FBXL17: variants seen among roughly 807,000 people sequenced by gnomAD.
FBXL17 encodes the protein F-box/LRR-repeat protein 17.
In FBXL17, 22 loss-of-function variants were observed where a neutral mutation model predicts 66.2. That is an observed-to-expected ratio of 0.33 (90% CI 0.24 to 0.47). The LOEUF (loss-of-function observed/expected upper bound fraction) is 0.47. FBXL17 is among the 20% of genes least tolerant of loss of function. The pLI, the probability that FBXL17 is intolerant of heterozygous loss-of-function variation, is 1.00. For missense variants in FBXL17, 878 were observed against 948.2 expected (o/e 0.93, Z 0.97); for synonymous variants, 474 against 400.5 (o/e 1.18, Z -2.19).
At chr5:108,168,948 T>C (rs1158537133) in intron 6 of FBXL17, among the ~76,000 whole-genome samples, 1 of 152,194 alleles carries the variant, frequency 6.6e-6, no homozygotes. Flanking sequence ...TATATGTGCA[T>C]CCCATAAACA....
intron 7 of FBXL17, among the ~76,000 whole-genome samples, chr5:107,984,618 T>C (rs1192869892): frequency 6.6e-6 from 1 of 152,300 alleles, no homozygotes; most frequent in Admixed American, 6.5e-5. Flanking sequence ...GAAACCAAAA[T>C]AGAATGAAAC....
At chr5:107,864,859 A>G (rs978114296) in intron 8 of FBXL17, among the ~76,000 whole-genome samples, 3 of 152,228 alleles carry the variant, frequency 2.0e-5, no homozygotes, top group Non-Finnish European at 4.4e-5. Context: ...CTATTCCTTT[A>G]TAGTAATACA....
At chr5:108,108,742 TTA>T (rs1370342806) in intron 6 of FBXL17, among the ~76,000 whole-genome samples, 2 of 151,994 alleles carry the variant, frequency 1.3e-5, no homozygotes, top group African/African-American at 2.4e-5. Context: ...AGCACCCCCA[TTA>T]TATGTTTCCC....
chr5:108,114,733 A>G (rs964930157), intron 6 of FBXL17, among the ~76,000 whole-genome samples: 1 of 152,220 alleles, frequency 6.6e-6, no homozygotes, highest in Non-Finnish European at 1.5e-5. Context: ...AATTAGAGAT[A>G]GGCCACTGAA....
intron 7 of FBXL17, among the ~76,000 whole-genome samples, chr5:107,949,335 G>A (rs1051826752): frequency 6.6e-6 from 1 of 152,174 alleles, no homozygotes; most frequent in South Asian, 2.1e-4. Flanking sequence ...TTTAAGGCAA[G>A]TAGGGAGGTA....
intron 4 of FBXL17, among the ~76,000 whole-genome samples, chr5:108,311,432 A>C (rs1213142312): frequency 6.6e-6 from 1 of 152,170 alleles, no homozygotes; most frequent in East Asian, 1.9e-4. Context: ...TCGGCCTCCC[A>C]AAGTGCTGGG....
chr5:108,247,912 A>G (rs1756176537), intron 4 of FBXL17, among the ~76,000 whole-genome samples: 1 of 152,196 alleles, frequency 6.6e-6, no homozygotes, highest in South Asian at 2.1e-4. Flanking sequence ...AACTCTGGAC[A>G]TTATTTATAA....
intron 4 of FBXL17, among the ~76,000 whole-genome samples, chr5:108,327,160 T>C (rs940177494): frequency 6.6e-6 from 1 of 152,190 alleles, no homozygotes; most frequent in African/African-American, 2.4e-5. Flanking sequence ...CAATAAACTA[T>C]GATATACATA....
At chr5:108,372,052 C>A (rs1260912753) in intron 1 of FBXL17, among the ~76,000 whole-genome samples, 1 of 152,190 alleles carries the variant, frequency 6.6e-6, no homozygotes, top group Non-Finnish European at 1.5e-5. Context: ...TGGCAGTCTA[C>A]CTCGCTGTAA....
chr5:108,055,528 G>A (rs112203481), intron 6 of FBXL17, among the ~76,000 whole-genome samples: 6,341 of 143,296 alleles, frequency 0.044, 459 homozygotes, highest in African/African-American at 0.15. Flanking sequence ...AGAATGGCGT[G>A]AACCCGGGAG....
chr5:108,364,470 G>A (rs1748537362), intron 3 of FBXL17, among the ~76,000 whole-genome samples: 1 of 151,774 alleles, frequency 6.6e-6, no homozygotes, highest in Non-Finnish European at 1.5e-5. Flanking sequence ...GCAAAATGTG[G>A]TAAAAAATTT....
At chr5:108,182,757 G>C (rs757585555) in intron 6 of FBXL17, among the ~76,000 whole-genome samples, 20 of 152,098 alleles carry the variant, frequency 1.3e-4, no homozygotes, top group African/African-American at 3.6e-4. Context: ...GGGAAGGAAA[G>C]GCAAAGTGAG....
At chr5:108,043,122 G>C (rs1412345993) in intron 6 of FBXL17, among the ~76,000 whole-genome samples, 1 of 152,116 alleles carries the variant, frequency 6.6e-6, no homozygotes, top group Non-Finnish European at 1.5e-5. Flanking sequence ...CGATACGTTA[G>C]TCATTTGTCA....
intron 7 of FBXL17, among the ~76,000 whole-genome samples, chr5:107,991,388 G>A (rs191295058): frequency 6.6e-6 from 1 of 152,124 alleles, no homozygotes; most frequent in Non-Finnish European, 1.5e-5. Flanking sequence ...TCCTCTTTTG[G>A]GGGGTGGGGT....
rs17160711 is a variant in FBXL17 at position 107,902,785 on chromosome 5, G to C, written c.1823-21606C>G. Among the ~76,000 whole-genome samples the C allele has an allele frequency of 4.8e-3, 720 of 150,580 alleles. 6 individuals carry two copies. Among genetic ancestry groups the C allele is most frequent in the African/African-American group, 0.016 (678 of 41,110 alleles). On this transcript the variant is annotated intron_variant, in intron 7 of 8. Transcript: ENST00000542267. ...CAAAAGTACAAGAGATTTTATGCAT[G>C]CACTTTGTGGTATCTATTTTAATTG... is the stretch of plus-strand genomic sequence containing the variant.
intron 5 of FBXL17, among the ~76,000 whole-genome samples, chr5:108,186,873 A>G (rs1334957495): frequency 6.6e-6 from 1 of 152,204 alleles, no homozygotes; most frequent in East Asian, 1.9e-4. Flanking sequence ...AATATATTAC[A>G]TTAAGTACCT....
intron 5 of FBXL17, among the ~76,000 whole-genome samples, chr5:108,209,955 TTGG>T (rs1754294939): frequency 6.6e-6 from 1 of 152,152 alleles, no homozygotes; most frequent in Non-Finnish European, 1.5e-5. Flanking sequence ...TTTTTTTTGG[TTGG>T]CAGACTATTA....
intron 3 of FBXL17, among the ~76,000 whole-genome samples, chr5:108,361,925 T>G (rs79044474): frequency 0.043 from 6,549 of 152,216 alleles, 765 homozygotes; most frequent in East Asian, 0.39. Flanking sequence ...TCTTCAAGAC[T>G]GTTGCCAAGC....
chr5:108,251,691 G>C (rs1294432753), intron 4 of FBXL17, among the ~76,000 whole-genome samples: 1 of 151,980 alleles, frequency 6.6e-6, no homozygotes, highest in Non-Finnish European at 1.5e-5. Flanking sequence ...TAGACAATTT[G>C]CTACCCTGTT....
Sources: allele counts gnomAD v4.1 joint callset (sites outside exome capture counted in the v4.1 genomes callset), GRCh38; gene constraint gnomAD v4.1.1; transcripts MANE v1.5; gene names NCBI Gene and HGNC (gene_info 2026-07-23, HGNC 2026-07-21).